Variants in NT5M observed in about 807,000 individuals in gnomAD.
NT5M encodes 5',3'-nucleotidase, mitochondrial.
NT5M carries 22 observed loss-of-function variants against 22.2 expected under a neutral mutation model. The ratio of observed to expected loss-of-function variants is 0.99; its 90% CI spans 0.71 to 1.41. NT5M has a LOEUF of 1.41. NT5M is among the 40% of genes most tolerant of loss of function. NT5M has a pLI of 0.00. For missense variants in NT5M, 322 were observed against 314.8 expected (o/e 1.02, Z -0.17); for synonymous variants, 167 against 133.0 (o/e 1.26, Z -1.76).
intron 3 of NT5M, 133 bp downstream of exon 3, chr17:17,323,378 T>A: frequency 3.9e-6 from 3 of 775,816 alleles, no homozygotes; most frequent in Non-Finnish European, 6.8e-6. Flanking sequence ...GGCTTTCTGC[T>A]CCCCAAGGAC....
chr17:17,347,158 C>G lies in NT5M; in HGVS notation c.*211C>G. On this transcript the variant is annotated 3_prime_UTR_variant, in exon 5 of 5. Transcript: ENST00000389022. ...CCCTCTGGGCGCTTGGACATAGACA[C>G]GTGGTCCCAGGCCGTTCAGCCTGAC... The G allele has an allele frequency of 6.2e-6, 4 of 640,016 alleles. No individual in the cohort carries two copies. The highest frequency in any genetic ancestry group is 1.0e-5 in the Non-Finnish European group (4 of 382,134). 39.6% of individuals were successfully genotyped at this position (640,016 alleles called of 1,614,324 possible).
intron 2 of NT5M, among the ~76,000 whole-genome samples, chr17:17,318,160 C>T (rs1352619794): frequency 6.6e-6 from 1 of 151,484 alleles, no homozygotes; most frequent in Non-Finnish European, 1.5e-5. Context: ...CGTAGCCACA[C>T]AATGGAATAT....
chr17:17,343,056 C>T (rs536008428), intron 3 of NT5M, among the ~76,000 whole-genome samples: 2 of 152,324 alleles, frequency 1.3e-5, no homozygotes, highest in Admixed American at 6.5e-5. Context: ...CTCTTGCCCC[C>T]CATCCAGCCT....
At chr17:17,331,848 T>G (rs1397194887) in intron 3 of NT5M, among the ~76,000 whole-genome samples, 1 of 151,324 alleles carries the variant, frequency 6.6e-6, no homozygotes, top group East Asian at 1.9e-4. Flanking sequence ...TTGCGCGATC[T>G]CTGCTCACTG....
chr17:17,334,080 G>A (rs1015122884), intron 3 of NT5M, among the ~76,000 whole-genome samples: 9 of 151,986 alleles, frequency 5.9e-5, no homozygotes, highest in Middle Eastern at 3.4e-3. Flanking sequence ...TGATCCGCCC[G>A]CCTCGGCCTC....
intron 3 of NT5M, among the ~76,000 whole-genome samples, chr17:17,326,284 G>A (rs1022677494): frequency 1.3e-5 from 2 of 152,194 alleles, no homozygotes; most frequent in Admixed American, 6.5e-5. Context: ...TACCAGGTCT[G>A]ACGCTTGGCC....
intron 1 of NT5M, among the ~76,000 whole-genome samples, chr17:17,305,542 C>T (rs1245028111): frequency 1.3e-5 from 2 of 152,146 alleles, no homozygotes; most frequent in African/African-American, 2.4e-5. Flanking sequence ...GTAATAAGCA[C>T]GCATTTGCCT....
Position 17,303,409 on chromosome 17 carries a change from C to T in NT5M, c.-142C>T. ...GGTACTTGCGCGCCCGCACCCCGCG[C>T]TCCCCGCCCCGCTCCCCGTCCCGCG... On this transcript the variant is annotated 5_prime_UTR_variant, in exon 1 of 5. Transcript: ENST00000389022. The T allele has an allele frequency of 2.1e-6, 2 of 962,600 alleles. No individual in the cohort carries two copies. The highest frequency in any genetic ancestry group is 1.8e-5 in the African/African-American group (1 of 56,816). 59.6% of individuals were successfully genotyped at this position (962,600 alleles called of 1,614,324 possible).
chr17:17,325,679 C>A (rs2049250774), intron 3 of NT5M, among the ~76,000 whole-genome samples: 1 of 152,170 alleles, frequency 6.6e-6, no homozygotes, highest in South Asian at 2.1e-4. Flanking sequence ...CCTTTAAAAA[C>A]CACATACACC....
chr17:17,330,001 A>AAAC (rs1302169128), intron 3 of NT5M, among the ~76,000 whole-genome samples: 2 of 151,516 alleles, frequency 1.3e-5, no homozygotes, highest in African/African-American at 4.9e-5. Flanking sequence ...AAACAAAACA[A>AAAC]AACAAAAACC....
chr17:17,313,765 C>T (rs543887698), intron 2 of NT5M, among the ~76,000 whole-genome samples: 23 of 152,332 alleles, frequency 1.5e-4, no homozygotes, highest in African/African-American at 5.3e-4. Flanking sequence ...TGCTGCTCCC[C>T]GGGAGGCCAC....
chr17:17,337,400 C>A (rs929714797), intron 3 of NT5M, among the ~76,000 whole-genome samples: 1 of 150,494 alleles, frequency 6.6e-6, no homozygotes, highest in East Asian at 2.0e-4. Context: ...TGCCACCAAG[C>A]CTAATTTTTT....
intron 3 of NT5M, 131 bp downstream of exon 3, chr17:17,323,376 G>T: frequency 1.3e-6 from 1 of 779,566 alleles, no homozygotes; most frequent in Non-Finnish European, 2.3e-6. Context: ...GCGGCTTTCT[G>T]CTCCCCAAGG....
chr17:17,312,411 G>A, intron 2 of NT5M, among the ~76,000 whole-genome samples: 1 of 152,104 alleles, frequency 6.6e-6, no homozygotes, highest in East Asian at 1.9e-4. Context: ...GGAGGCCAAG[G>A]TGGGCAGATC....
In NT5M at chr17:17,344,890, G is replaced by A; in HGVS notation, c.526G>A (p.Asp176Asn). 6.2e-7 allele frequency: 1 copy of A among 1,614,128 alleles called. No homozygotes were observed. Among genetic ancestry groups the A allele is most frequent in the South Asian group, 1.1e-5 (1 of 91,068 alleles). The change falls in exon 4 of 5, where the codon GAC (aspartate) becomes AAC (asparagine). Residue 176 changes from aspartate (D) to asparagine (N), a missense_variant. By Grantham distance (23) the Asp-to-Asn change is conservative. Transcript: ENST00000389022. ...TVVSADLLIDDRPDITGAEPT... is the reference protein window; with the variant it reads ...TVVSADLLIDNRPDITGAEPT... Reference sequence around the variant, plus strand: ...GGTCTCTGCTGACCTTCTCATAGACGACCGGCCGGACATCACAGGCAAGTG... The same window carrying A: ...GGTCTCTGCTGACCTTCTCATAGACAACCGGCCGGACATCACAGGCAAGTG...
intron 3 of NT5M, among the ~76,000 whole-genome samples, chr17:17,330,804 G>A (rs1370606018): frequency 1.4e-5 from 2 of 139,064 alleles, no homozygotes; most frequent in African/African-American, 5.4e-5. Context: ...ATGCAGTGGT[G>A]TGATCTCAGC....
intron 4 of NT5M, chr17:17,345,297 A>T: frequency 9.9e-7 from 1 of 1,010,142 alleles, no homozygotes; most frequent in Non-Finnish European, 1.2e-6. Context: ...GGCAGAGCAG[A>T]GCTCCTGCAG....
In NT5M at chr17:17,344,871, T is replaced by A. The variant is rs2049724362; in HGVS notation, c.507T>A (p.Ser169=). Residue 169 remains serine, a synonymous_variant, in exon 4 of 5, where the codon TCT becomes TCA. Transcript: ENST00000389022. The stretch of plus-strand genomic sequence containing the variant: ...TGACCAGAGACAAGACCGTGGTCTC[T>A]GCTGACCTTCTCATAGACGACCGGC... ...IVLTRDKTVV[S]ADLLIDDRPD... 1.2e-6 allele frequency: 2 copies of A among 1,614,118 alleles called. No individual in the cohort carries two copies. The highest frequency in any genetic ancestry group is 1.7e-6 in the Non-Finnish European group (2 of 1,180,024).
Position 17,345,302 on chromosome 17 carries a change from C to T in NT5M, c.544+394C>T, listed in dbSNP as rs2049734249. ...ATGACAGGAGGGCAGAGCAGAGCTCCTGCAGGGAAGGTGGGTTGGGACAGA... is the reference window on the plus strand; with the variant it reads ...ATGACAGGAGGGCAGAGCAGAGCTCTTGCAGGGAAGGTGGGTTGGGACAGA... On this transcript the variant is annotated intron_variant, in intron 4 of 4. Transcript: ENST00000389022. 4.0e-6 allele frequency: 4 copies of T among 1,007,224 alleles called. No individual in the cohort carries two copies. In the South Asian group the frequency reaches 1.3e-4, roughly 33 times the overall value. The allele number at this position is 1,007,224 out of a possible 1,614,324, so 62.4% of individuals were successfully genotyped here.
Sources: gnomAD v4.1 joint callset for allele counts (sites outside exome capture counted in the v4.1 genomes callset) on GRCh38, gnomAD v4.1.1 for gene constraint, MANE v1.5 for transcripts, NCBI Gene and HGNC (gene_info 2026-07-23, HGNC 2026-07-21) for gene names.